The following PTPRR variants were observed in gnomAD, a reference collection of about 807,000 sequenced individuals.
PTPRR encodes protein tyrosine phosphatase receptor type R, also known as receptor-type tyrosine-protein phosphatase R.
PTPRR carries 38 observed loss-of-function variants against 77.2 expected under a neutral mutation model. The ratio of observed to expected loss-of-function variants is 0.49; its 90% CI spans 0.38 to 0.65. The LOEUF is 0.65. Ranked by LOEUF, PTPRR falls within the 30% of genes least tolerant of loss-of-function variation. The pLI is 0.00. For synonymous variants in PTPRR, 299 were observed against 283.1 expected (o/e 1.06, Z -0.57); for missense variants, 744 against 799.2 (o/e 0.93, Z 0.83).
chr12:70,694,843 T>C (rs1462473419), intron 8 of PTPRR, among the ~76,000 whole-genome samples: 1 of 152,150 alleles, frequency 6.6e-6, no homozygotes. Flanking sequence ...TTACAGTATT[T>C]TATTGTGTGC....
rs1157743608 is a variant in PTPRR at position 70,827,643 on chromosome 12, T to TCAAG, written c.358-62869_358-62866dup. Among the ~76,000 whole-genome samples, 5 of 150,538 alleles carry TCAAG rather than the reference T, an allele frequency of 3.3e-5. No individual in the cohort carries two copies. The East Asian group carries it at 7.8e-4, about 23-fold the overall frequency. ...TCACTGCAACCTTTTTCTTCCAGGT[T>TCAAG]CAAGCAATTCTCCTGGCTCAGCCTC... On this transcript the variant is annotated intron_variant, in intron 2 of 13. Coordinates refer to ENST00000283228, the MANE Select transcript of PTPRR (RefSeq NM_002849.4).
chr12:70,812,345 G>A (rs1441763447), intron 2 of PTPRR, among the ~76,000 whole-genome samples: 1 of 152,148 alleles, frequency 6.6e-6, no homozygotes, highest in Non-Finnish European at 1.5e-5. Context: ...AGTTTCAGAG[G>A]TGCCACAATG....
At chr12:70,654,879 A>G (rs569611210) in intron 13 of PTPRR, among the ~76,000 whole-genome samples, 1 of 152,290 alleles carries the variant, frequency 6.6e-6, no homozygotes, top group African/African-American at 2.4e-5. Context: ...TCCTGAACTC[A>G]AGGGATCCTC....
intron 2 of PTPRR, among the ~76,000 whole-genome samples, chr12:70,813,445 A>T (rs1891845378): frequency 6.6e-6 from 1 of 152,220 alleles, no homozygotes; most frequent in South Asian, 2.1e-4. Flanking sequence ...TTGAAATCAT[A>T]TATTCATCTC....
chr12:70,804,064 T>C (rs565006728), intron 2 of PTPRR, among the ~76,000 whole-genome samples: 1 of 152,012 alleles, frequency 6.6e-6, no homozygotes, highest in African/African-American at 2.4e-5. Flanking sequence ...ATAGTCTGTT[T>C]GCATGACCCT....
chr12:70,652,040 C>A (rs1886415294), intron 13 of PTPRR, among the ~76,000 whole-genome samples: 1 of 152,126 alleles, frequency 6.6e-6, no homozygotes, highest in African/African-American at 2.4e-5. Context: ...ATACATAGTG[C>A]ATTCTGGAAT....
intron 2 of PTPRR, among the ~76,000 whole-genome samples, chr12:70,812,673 G>A (rs1891830600): frequency 6.6e-6 from 1 of 152,150 alleles, no homozygotes; most frequent in Admixed American, 6.5e-5. Flanking sequence ...GAACTCCGCT[G>A]GTAGCTTGAG....
chr12:70,834,722 TTCAGAGTAATTCTC>T (rs1248947043), intron 2 of PTPRR, among the ~76,000 whole-genome samples: 2 of 152,134 alleles, frequency 1.3e-5, no homozygotes, highest in Non-Finnish European at 2.9e-5. Flanking sequence ...CAGGTAATCT[TTCAGAGTAATTCTC>T]TCAAAAAGAG....
intron 13 of PTPRR, 120 bp downstream of exon 13, chr12:70,656,583 CA>C: frequency 1.5e-6 from 1 of 674,484 alleles, no homozygotes. Context: ...AAGCATTTTA[CA>C]AGCATCTCTA....
rs72472808 is a variant in PTPRR, at chr12:70,665,364, C to CTTTTTTTT, written c.1498-2767_1498-2760dup. On this transcript the variant is annotated intron_variant, in intron 10 of 13. Coordinates refer to ENST00000283228, the MANE Select transcript of PTPRR (RefSeq NM_002849.4). ...GATGTAACACAAAGCAATGCAAATT[C>CTTTTTTTT]TTTTTTTTTTTTTTTTTTTTTTTTT... is the stretch of plus-strand genomic sequence containing the variant. Among the ~76,000 whole-genome samples the CTTTTTTTT allele has an allele frequency of 9.1e-3, 405 of 44,672 alleles. 34 individuals are homozygous for CTTTTTTTT. Among genetic ancestry groups the CTTTTTTTT allele is most frequent in the Non-Finnish European group, 0.014 (306 of 22,472 alleles). The allele number at this position is 44,672 out of a possible 152,430, so 29.3% of individuals were successfully genotyped here. A position where few individuals can be genotyped will look rare whatever the true frequency, so the allele number is the denominator to read the frequency against.
intron 6 of PTPRR, among the ~76,000 whole-genome samples, chr12:70,705,021 A>C (rs1888566589): frequency 6.6e-6 from 1 of 152,178 alleles, no homozygotes. Flanking sequence ...AGAGGGAGGA[A>C]ATTCAAAAGA....
intron 13 of PTPRR, 70 bp downstream of exon 13, chr12:70,656,634 G>T: frequency 9.3e-7 from 1 of 1,071,158 alleles, no homozygotes; most frequent in Non-Finnish European, 1.4e-6. Context: ...GTTTATGCAT[G>T]AAGTCAGGCT....
At chr12:70,918,107 C>G (rs1025116667) in intron 1 of PTPRR, among the ~76,000 whole-genome samples, 2 of 152,184 alleles carry the variant, frequency 1.3e-5, no homozygotes, top group African/African-American at 4.8e-5. Flanking sequence ...TTTTCTTAAT[C>G]TCCAAATGTA....
chr12:70,781,468 A>G (rs951223557), intron 2 of PTPRR, among the ~76,000 whole-genome samples: 1 of 152,172 alleles, frequency 6.6e-6, no homozygotes, highest in African/African-American at 2.4e-5. Context: ...GATTCTCAAA[A>G]TGTGGTTCAA....
intron 2 of PTPRR, among the ~76,000 whole-genome samples, chr12:70,812,979 T>G (rs953580870): frequency 6.6e-6 from 1 of 152,220 alleles, no homozygotes; most frequent in Non-Finnish European, 1.5e-5. Context: ...CAAATTAGTT[T>G]TAACTTTTCA....
chr12:70,720,237 C>G (rs138519779), intron 6 of PTPRR, among the ~76,000 whole-genome samples: 101 of 152,182 alleles, frequency 6.6e-4, no homozygotes, highest in African/African-American at 2.3e-3. Flanking sequence ...TACCTGGGCT[C>G]GAATCCTATC....
intron 10 of PTPRR, among the ~76,000 whole-genome samples, chr12:70,673,869 A>T (rs2136704196): frequency 6.6e-6 from 1 of 151,938 alleles, no homozygotes; most frequent in East Asian, 1.9e-4. Context: ...CATTTCCTTT[A>T]ATTCTGCTAG....
chr12:70,794,767 T>A (rs1364613772), intron 2 of PTPRR, among the ~76,000 whole-genome samples: 3 of 152,124 alleles, frequency 2.0e-5, no homozygotes, highest in African/African-American at 7.2e-5. Context: ...ATCAATGACA[T>A]CAGGATCAAT....
At chr12:70,833,412 GT>G (rs766463286) in intron 2 of PTPRR, among the ~76,000 whole-genome samples, 1 of 152,118 alleles carries the variant, frequency 6.6e-6, no homozygotes, top group Non-Finnish European at 1.5e-5. Flanking sequence ...TGTTTGATTA[GT>G]TTTGTGCTTG....
Sources: allele counts gnomAD v4.1 joint callset (sites outside exome capture counted in the v4.1 genomes callset), GRCh38; gene constraint gnomAD v4.1.1; transcripts MANE v1.5; gene names NCBI Gene and HGNC (gene_info 2026-07-23, HGNC 2026-07-21).